Variants in CREB5 observed in about 807,000 individuals in gnomAD.
CREB5 encodes the protein cyclic AMP-responsive element-binding protein 5.
Under a neutral mutation model 57.1 loss-of-function variants are expected in CREB5, and 19 were observed. That is an observed-to-expected ratio of 0.33 (90% confidence interval 0.23 to 0.49). The LOEUF (loss-of-function observed/expected upper bound fraction) is 0.49, where lower values mean the gene tolerates loss of function less well. Among genes scored for constraint, CREB5 ranks in the 20% least tolerant of loss-of-function variants. The pLI is 0.99. For missense variants in CREB5, 579 were observed against 671.6 expected, an observed-to-expected ratio of 0.86 and a Z score of 1.52; for synonymous variants, 238 against 238.3, an observed-to-expected ratio of 1.00 and a Z score of 0.01.
chr7:28,563,213 C>T (rs1370640254), intron 4 of CREB5, among the ~76,000 whole-genome samples: 1 of 152,180 alleles, frequency 6.6e-6, no homozygotes, highest in Admixed American at 6.5e-5. Flanking sequence ...CCAGACTGTA[C>T]ATTTTGTCTC....
intron 1 of CREB5, among the ~76,000 whole-genome samples, chr7:28,464,229 G>A (rs1378021009): frequency 6.6e-6 from 1 of 152,078 alleles, no homozygotes; most frequent in East Asian, 1.9e-4. Context: ...GATTTGGGTT[G>A]CAAATCCCAA....
chr7:28,360,181 G>A (rs982856564), intron 1 of CREB5, among the ~76,000 whole-genome samples: 1 of 152,122 alleles, frequency 6.6e-6, no homozygotes, highest in Non-Finnish European at 1.5e-5. Flanking sequence ...AAAAAGCTAA[G>A]AATAGAATTA....
intron 7 of CREB5, among the ~76,000 whole-genome samples, chr7:28,773,430 AT>A (rs1326577278): frequency 6.6e-6 from 1 of 152,234 alleles, no homozygotes; most frequent in Non-Finnish European, 1.5e-5. Flanking sequence ...AAAGCTTTTA[AT>A]AACTGAAGCT....
intron 4 of CREB5, among the ~76,000 whole-genome samples, chr7:28,532,249 A>G (rs1793762273): frequency 6.6e-6 from 1 of 152,210 alleles, no homozygotes; most frequent in African/African-American, 2.4e-5. Flanking sequence ...CAGATCCTCC[A>G]GTCCCGGTCA....
chr7:28,635,736 T>A (rs557690249), intron 5 of CREB5, among the ~76,000 whole-genome samples: 1 of 152,354 alleles, frequency 6.6e-6, no homozygotes, highest in South Asian at 2.1e-4. Flanking sequence ...TTCCCCTAGG[T>A]CTTTGTTGAC....
chr7:28,445,652 C>CT (rs1789413732), intron 1 of CREB5, among the ~76,000 whole-genome samples: 1 of 151,852 alleles, frequency 6.6e-6, no homozygotes, highest in African/African-American at 2.4e-5. Context: ...CCCAGGTTCA[C>CT]GCCATTCTCC....
Position 28,489,062 on chromosome 7 carries a change from C to G in CREB5, c.75+816C>G, listed in dbSNP as rs149580799. Among the ~76,000 whole-genome samples the G allele has an allele frequency of 1.8e-3, 277 of 152,258 alleles. 6 individuals are homozygous for G. In the East Asian group the frequency reaches 0.046, roughly 25 times the overall value. The stretch of plus-strand genomic sequence containing the variant: ...CTACTCTTGACCCTTTGGGTGTCTC[C>G]ACATTCTAGTCATTGGAAAATAACT... On this transcript the variant is annotated intron_variant, in intron 2 of 10. Coordinates refer to ENST00000357727, the MANE Select transcript of CREB5 (RefSeq NM_182898.4).
intron 7 of CREB5, among the ~76,000 whole-genome samples, chr7:28,743,059 C>T (rs988040674): frequency 6.6e-6 from 1 of 152,126 alleles, no homozygotes; most frequent in Non-Finnish European, 1.5e-5. Context: ...GCTGGAATTA[C>T]AGGCATGAGC....
intron 5 of CREB5, among the ~76,000 whole-genome samples, chr7:28,696,559 A>G (rs931167314): frequency 6.6e-6 from 1 of 152,194 alleles, no homozygotes; most frequent in Non-Finnish European, 1.5e-5. Context: ...ATTGAAAACC[A>G]CTATTGGCTG....
At chr7:28,392,947 A>G (rs1787251863) in intron 1 of CREB5, among the ~76,000 whole-genome samples, 1 of 150,832 alleles carries the variant, frequency 6.6e-6, no homozygotes, top group East Asian at 1.9e-4. Context: ...TTTTTGAGAC[A>G]GAGTTTCGCT....
At chr7:28,372,363 G>T (rs73088530) in intron 1 of CREB5, among the ~76,000 whole-genome samples, 25,213 of 152,120 alleles carry the variant, frequency 0.17, 2,584 homozygotes, top group Non-Finnish European at 0.24. Context: ...GAGACGTCCT[G>T]GTAATTTTAA....
chr7:28,790,337 T>C (rs1807589723), intron 7 of CREB5, among the ~76,000 whole-genome samples: 1 of 152,042 alleles, frequency 6.6e-6, no homozygotes, highest in African/African-American at 2.4e-5. Context: ...ATGTGGTGTC[T>C]CACCAAGGAA....
intron 3 of CREB5, among the ~76,000 whole-genome samples, chr7:28,500,144 G>A (rs1393903524): frequency 6.6e-6 from 1 of 152,174 alleles, no homozygotes; most frequent in Non-Finnish European, 1.5e-5. Flanking sequence ...CTACTCAAGT[G>A]GGGTGCAGAG....
intron 7 of CREB5, among the ~76,000 whole-genome samples, chr7:28,735,019 A>G (rs901537805): frequency 3.9e-5 from 6 of 152,174 alleles, no homozygotes; most frequent in African/African-American, 1.4e-4. Flanking sequence ...AATTCTTACT[A>G]ATTAACCAGC....
intron 4 of CREB5, among the ~76,000 whole-genome samples, chr7:28,560,947 T>TGCGTGCGTGCGC (rs1562798055): frequency 4.7e-5 from 1 of 21,186 alleles, no homozygotes; most frequent in Non-Finnish European, 9.6e-5. Flanking sequence ...CGTGCGTGTG[T>TGCGTGCGTGCGC]GTGCGTGTGT....
chr7:28,742,785 C>T (rs916422519), intron 7 of CREB5, among the ~76,000 whole-genome samples: 2 of 151,140 alleles, frequency 1.3e-5, no homozygotes, highest in African/African-American at 2.4e-5. Context: ...TCTTATTTTG[C>T]TTTTTTTTTC....
chr7:28,438,346 G>A (rs994150890), intron 1 of CREB5, among the ~76,000 whole-genome samples: 1 of 152,082 alleles, frequency 6.6e-6, no homozygotes. Flanking sequence ...ATGAGAGTGT[G>A]GACTGAGTTG....
At chr7:28,719,330 T>C (rs988472315) in intron 6 of CREB5, among the ~76,000 whole-genome samples, 3 of 152,402 alleles carry the variant, frequency 2.0e-5, no homozygotes, top group East Asian at 1.9e-4. Flanking sequence ...TCTGTTGTTC[T>C]GTTAATCATG....
intron 1 of CREB5, among the ~76,000 whole-genome samples, chr7:28,454,107 C>A (rs1789978713): frequency 6.6e-6 from 1 of 152,082 alleles, no homozygotes; most frequent in African/African-American, 2.4e-5. Flanking sequence ...GCACTCGCCA[C>A]CACACCTGGC....
Sources: allele counts gnomAD v4.1 joint callset (sites outside exome capture counted in the v4.1 genomes callset), GRCh38; gene constraint gnomAD v4.1.1; transcripts MANE v1.5; gene names NCBI Gene and HGNC (gene_info 2026-07-23, HGNC 2026-07-21).